The following FLNA variants were observed in gnomAD, a reference collection of about 807,000 sequenced individuals.
FLNA encodes filamin A.
A neutral mutation model predicts 157.6 loss-of-function variants in FLNA; 7 were observed. That is an observed-to-expected ratio of 0.04 (90% confidence interval 0.03 to 0.08). The LOEUF is 0.08. Among genes scored for constraint, FLNA ranks in the 10% least tolerant of loss-of-function variants. The pLI, the probability that FLNA is intolerant of heterozygous loss-of-function variation, is 1.00. For synonymous variants in FLNA, 1,103 were observed against 1,060.8 expected, an observed-to-expected ratio of 1.04 and a Z score of -0.77; for missense variants, 1,750 against 2,398.4, an observed-to-expected ratio of 0.73 and a Z score of 5.65.
At chrX:154,360,748 A>C (rs1557177840) in intron 21 of FLNA, among the ~76,000 whole-genome samples, 161 bp from the exon 22 acceptor site, 1 of 112,096 alleles carries the variant, frequency 8.9e-6, no homozygotes, top group Non-Finnish European at 1.9e-5. Flanking sequence ...TCCATCAGTC[A>C]TAAGGACAAA....
chrX:154,359,132 C>T lies in FLNA; in HGVS notation c.4326G>A (p.Val1442=). 8.3e-7 allele frequency: 1 copy of T among 1,211,471 alleles called. No individual in the cohort carries two copies. Among genetic ancestry groups the T allele is most frequent in the Non-Finnish European group, 1.1e-6 (1 of 895,594 alleles). ...CCTTGGACGCATCTGTCACATCATG[C>T]ACAGGGACCTTGAAAGGACTGCCTG... The part of the protein sequence containing the change: ...QVPGSPFKVP[V]HDVTDASKVK... The change falls in exon 26 of 48, where the codon GTG becomes GTA. Residue 1442 remains valine, a synonymous_variant. Transcript: ENST00000369850.
rs1332417999 is a variant in FLNA, at chrX:154,368,095, G to A, written c.374-5C>T. ...CGTCCACGATGGCCTTGCTGTCTGT[G>A]AGTAGAAGAGTGGCCACGCTGGGCA... is the stretch of plus-strand genomic sequence containing the variant. On this transcript the variant is annotated splice_region_variant and splice_polypyrimidine_tract_variant and intron_variant, in intron 2 of 47. Coordinates refer to ENST00000369850, the MANE Select transcript of FLNA (RefSeq NM_001110556.2). The A allele has an allele frequency of 4.1e-6, 5 of 1,210,788 alleles. No homozygotes were observed. The highest frequency in any genetic ancestry group is 1.8e-5 in the South Asian group (1 of 56,975).
chrX:154,366,454 G>A lies in FLNA; in HGVS notation c.1082C>T (p.Ala361Val). 1 of 1,211,617 alleles carries A rather than the reference G, an allele frequency of 8.3e-7. No homozygotes were observed. Among genetic ancestry groups the A allele is most frequent in the Non-Finnish European group, 1.1e-6 (1 of 895,266 alleles). ...GGGGCTCTTGGCGATGTGCTGGCCA[G>A]CAAAGAGCACAGTAACCTGTCCCCA... ...TGTHKVTVLF[A>V]GQHIAKSPFE... The change falls in exon 8 of 48, where the codon GCT (alanine) becomes GTT (valine). Residue 361 changes from alanine (A) to valine (V), a missense_variant. Ala to Val is a moderately conservative substitution (Grantham distance 64). Transcript: ENST00000369850.
rs781814342 is a variant in FLNA at position 154,371,226 on chromosome X, C to A, written c.20G>T (p.Arg7Leu). 1.7e-6 allele frequency: 2 copies of A among 1,201,168 alleles called. No homozygotes were observed. The highest frequency in any genetic ancestry group is 1.8e-5 in the South Asian group (1 of 55,594). ...CGCGCCTGCTGCGCTCTGGCCCGCC[C>A]GAGAGTGGGAGCTACTCATTTTGAG... MSSSHSRAGQSAAGAAP... is the reference protein window; with the variant it reads MSSSHSLAGQSAAGAAP... The change falls in exon 2 of 48, where the codon CGG becomes CTG. Residue 7 changes from arginine (R) to leucine (L), a missense_variant. Arg to Leu is a moderately radical substitution (Grantham distance 102, BLOSUM62 -2). Coordinates refer to ENST00000369850, the MANE Select transcript of FLNA (RefSeq NM_001110556.2).
At chrX:154,367,775 A>C in intron 3 of FLNA, 37 bp from the exon 4 acceptor site, 1 of 1,210,520 alleles carries the variant, frequency 8.3e-7, no homozygotes, top group South Asian at 1.8e-5. Context: ...TGGGGGCCGC[A>C]GAACCCCCTC....
rs1304255474 is a variant in FLNA, at chrX:154,353,410, C to T, written c.5908G>A (p.Asp1970Asn). ...MSHLKVGSAA[D>N]IPINISETDL... ...GTCTCTGAGATGTTGATGGGGATGT[C>T]GGCAGCAGAGCCGACCTTTAGGTGG... is the stretch of plus-strand genomic sequence containing the variant. Residue 1970 changes from aspartate (D) to asparagine (N), a missense_variant, in exon 37 of 48, where the codon GAC becomes AAC. Asp to Asn is a conservative substitution (Grantham distance 23, BLOSUM62 1). This residue lies in a region of FLNA where 970 missense variants were observed against 1,302.6 expected (regional missense o/e 0.74). Transcript: ENST00000369850. 3.3e-6 allele frequency: 4 copies of T among 1,210,433 alleles called. No individual in the cohort carries two copies. The highest frequency in any genetic ancestry group is 2.3e-4 in the Middle Eastern group (1 of 4,374).
In FLNA at chrX:154,371,269, G is replaced by A; in HGVS notation, c.-24C>T. ...ATTTTGAGGCGCGAGAAGCCGGGGG[G>A]GCGGTGCTGCAGCCTCGGCGAGGGG... On this transcript the variant is annotated 5_prime_UTR_variant, in exon 2 of 48. Coordinates refer to ENST00000369850, the MANE Select transcript of FLNA (RefSeq NM_001110556.2). The A allele has an allele frequency of 8.4e-7, 1 of 1,197,277 alleles. No homozygotes were observed. The highest frequency in any genetic ancestry group is 1.1e-6 in the Non-Finnish European group (1 of 891,293).
In FLNA at chrX:154,360,171, G is replaced by A. The variant is rs369148617; in HGVS notation, c.3624C>T (p.Tyr1208=). The A allele has an allele frequency of 4.1e-6, 5 of 1,209,734 alleles. No homozygotes were observed. Among genetic ancestry groups the A allele is most frequent in the Admixed American group, 2.2e-5 (1 of 46,149 alleles). ...CSEAGLPAEV[Y]IQDHGDGTHT... Reference sequence around the variant, plus strand: ...GCGTGCCATCACCGTGGTCCTGGATGTACACCTCGGCCGGAAGCCCCGCCT... The same window carrying A: ...GCGTGCCATCACCGTGGTCCTGGATATACACCTCGGCCGGAAGCCCCGCCT... The change falls in exon 22 of 48, where the codon TAC becomes TAT. Residue 1208 remains tyrosine, a synonymous_variant. Transcript: ENST00000369850.
chrX:154,350,787 C>T (rs1334138198), intron 44 of FLNA, 122 bp downstream of exon 44: 2 of 813,530 alleles, frequency 2.5e-6, no homozygotes, highest in Non-Finnish European at 3.7e-6. Flanking sequence ...GGTTGCCTGG[C>T]TTAGGGGGCC....
chrX:154,360,161 G>A lies in FLNA; in HGVS notation c.3634C>T (p.His1212Tyr), dbSNP rs782721742. The change falls in exon 22 of 48, where the codon CAC (histidine) becomes TAC (tyrosine). Residue 1212 changes from histidine (H) to tyrosine (Y), a missense_variant. Around this residue, in one of 5 missense-constraint regions of FLNA, gnomAD observed 970 missense variants for 1,302.6 expected, o/e 0.74. Transcript: ENST00000369850. ...GTAATGGTGTGCGTGCCATCACCGT[G>A]GTCCTGGATGTACACCTCGGCCGGA... The part of the protein sequence containing the change: ...GLPAEVYIQD[H>Y]GDGTHTITYI... 8.3e-7 allele frequency: 1 copy of A among 1,209,519 alleles called. No individual in the cohort carries two copies. Among genetic ancestry groups the A allele is most frequent in the Non-Finnish European group, 1.1e-6 (1 of 893,845 alleles).
chrX:154,354,327 T>A, intron 33 of FLNA, 36 bp from the exon 34 acceptor site: 1 of 1,211,525 alleles, frequency 8.3e-7, no homozygotes, highest in East Asian at 3.0e-5. Flanking sequence ...GGGCAGCTCA[T>A]TGGCACAGTC....
At position 154,371,185 on chromosome X, in the gene FLNA, C is replaced by A. The variant is rs1223954254; in HGVS notation, c.61G>T (p.Val21Phe). 2.5e-6 allele frequency: 3 copies of A among 1,193,032 alleles called. No homozygotes were observed. The highest frequency in any genetic ancestry group is 3.4e-6 in the Non-Finnish European group (3 of 887,136). The change falls in exon 2 of 48, where the codon GTC (valine) becomes TTC (phenylalanine). Residue 21 changes from valine to phenylalanine, a missense_variant. Transcript: ENST00000369850. The part of the protein sequence containing the change: ...SAAGAAPGGG[V>F]DTRDAEMPAT... ...GGCATCTCGGCGTCCCGCGTGTCGA[C>A]GCCGCCGCCCGGAGCCGCGCCTGCT...
Position 154,371,218 on chromosome X carries a change from G to C in FLNA, c.28C>G (p.Gln10Glu), listed in dbSNP as rs1381994072. The C allele has an allele frequency of 1.7e-6, 2 of 1,199,095 alleles. No homozygotes were observed. The highest frequency in any genetic ancestry group is 2.2e-6 in the Non-Finnish European group (2 of 890,525). MSSSHSRAG[Q>E]SAAGAAPGGG... is the part of the protein sequence containing the mutation. ...CCCGGAGCCGCGCCTGCTGCGCTCT[G>C]GCCCGCCCGAGAGTGGGAGCTACTC... The change falls in exon 2 of 48, where the codon CAG (glutamine) becomes GAG (glutamate). Residue 10 changes from glutamine (Q) to glutamate (E), a missense_variant. By Grantham distance (29) the Gln-to-Glu change is conservative (BLOSUM62 2). Coordinates refer to ENST00000369850, the MANE Select transcript of FLNA (RefSeq NM_001110556.2).
In FLNA at chrX:154,366,143, C is replaced by T. The variant is rs782320818; in HGVS notation, c.1310G>A (p.Arg437Gln). Reference sequence around the variant, plus strand: ...GCTGCAGCGGTATGTGCTGTCGCCCCGGGCCTCCAGCTGAGGCTCTACCGT... The same window carrying T: ...GCTGCAGCGGTATGTGCTGTCGCCCTGGGCCTCCAGCTGAGGCTCTACCGT... The part of the protein sequence containing the change: ...KGTVEPQLEA[R>Q]GDSTYRCSYQ... The change falls in exon 9 of 48, where the codon CGG (arginine) becomes CAG (glutamine). Residue 437 changes from arginine (R) to glutamine (Q), a missense_variant. This residue lies in a region of FLNA where 648 missense variants were observed against 805.8 expected (regional missense o/e 0.80). Transcript: ENST00000369850. 6.4e-5 allele frequency: 77 copies of T among 1,209,128 alleles called. No homozygotes were observed. Among genetic ancestry groups the T allele is most frequent in the Admixed American group, 5.0e-4 (23 of 45,992 alleles).
rs863223627 is a variant in FLNA at position 154,371,364 on chromosome X, G to T, written c.-116-3C>A. The T allele has an allele frequency of 3.6e-5, 34 of 935,459 alleles. No homozygotes were observed. The highest frequency in any genetic ancestry group is 3.8e-5 in the Non-Finnish European group (26 of 685,479). The allele number at this position is 935,459 out of a possible 1,213,427, so 77.1% of individuals were successfully genotyped here. On this transcript the variant is annotated splice_region_variant and splice_polypyrimidine_tract_variant and intron_variant, in intron 1 of 47. Coordinates refer to ENST00000369850, the MANE Select transcript of FLNA (RefSeq NM_001110556.2). ...CGAGGCAGGGAGCAGAGGTTGCGCT[G>T]CGGAGAGAGCGAGCCCTTTAAATGC...
At position 154,364,299 on chromosome X, in the gene FLNA, G is replaced by A; in HGVS notation, c.2096C>T (p.Ala699Val). 1 of 1,211,282 alleles carries A rather than the reference G, an allele frequency of 8.3e-7. No individual in the cohort carries two copies. The highest frequency in any genetic ancestry group is 1.1e-6 in the Non-Finnish European group (1 of 895,329). The part of the protein sequence containing the change: ...VNKPAEFTVD[A>V]KHGGKAPLRV... ...AAGTGGGGCCTTGCCACCGTGCTTG[G>A]CATCCACTGTGAACTCTGCTGGCTT... Residue 699 changes from alanine to valine, a missense_variant, in exon 14 of 48, where the codon GCC becomes GTC. Physicochemically the swap from Ala to Val is moderately conservative, Grantham distance 64. Coordinates refer to ENST00000369850, the MANE Select transcript of FLNA (RefSeq NM_001110556.2).
rs1258176270 is a variant in FLNA, at chrX:154,371,363, T to G, written c.-116-2A>C. 2.5e-5 allele frequency: 23 copies of G among 913,666 alleles called. No individual in the cohort carries two copies. Among genetic ancestry groups the G allele is most frequent in the Non-Finnish European group, 3.1e-5 (21 of 679,002 alleles). The allele number at this position is 913,666 out of a possible 1,213,427, so 75.3% of individuals were successfully genotyped here. ...GCGAGGCAGGGAGCAGAGGTTGCGC[T>G]GCGGAGAGAGCGAGCCCTTTAAATG... On this transcript the variant is annotated splice_acceptor_variant, in intron 1 of 47. Coordinates refer to ENST00000369850, the MANE Select transcript of FLNA (RefSeq NM_001110556.2). LOFTEE classifies it low-confidence loss of function (5UTR_SPLICE).
At position 154,362,734 on chromosome X, in the gene FLNA, G is replaced by A. The variant is rs782780604; in HGVS notation, c.2331C>T (p.Pro777=). 1.8e-5 allele frequency: 22 copies of A among 1,205,376 alleles called. No homozygotes were observed. Among genetic ancestry groups the A allele is most frequent in the Middle Eastern group, 2.3e-4 (1 of 4,326 alleles). ...SHPNKVKVYG[P]GVAKTGLKAH... is the part of the protein sequence containing the mutation. ...CCTTGAGCCCTGTCTTGGCTACTCC[G>A]GGGCCGTATACTTTGACCTTGTTGG... The change falls in exon 16 of 48, where the codon CCC becomes CCT. Residue 777 remains proline, a synonymous_variant. Coordinates refer to ENST00000369850, the MANE Select transcript of FLNA (RefSeq NM_001110556.2).
intron 7 of FLNA, 33 bp from the exon 8 acceptor site, chrX:154,366,503 G>A (rs1603362901): frequency 8.3e-7 from 1 of 1,209,655 alleles, no homozygotes; most frequent in Non-Finnish European, 1.1e-6. Context: ...TGAGGGTAGG[G>A]CTGGGGGCCT....
Sources: gnomAD v4.1 joint callset for allele counts (sites outside exome capture counted in the v4.1 genomes callset) on GRCh38, gnomAD v4.1.1 for gene constraint, gnomAD v4.1.1 regional missense constraint, MANE v1.5 for transcripts, NCBI Gene and HGNC (gene_info 2026-07-23, HGNC 2026-07-21) for gene names.